Variants in FOXL2 observed in about 807,000 individuals in gnomAD.
FOXL2 encodes forkhead box L2.
In FOXL2, 3 loss-of-function variants were observed where a neutral mutation model predicts 2.5. The ratio of observed to expected loss-of-function variants is 1.20; its 90% CI spans 0.55 to 3.11. FOXL2 has a LOEUF of 3.11. Ranked by LOEUF, FOXL2 falls within the 30% of genes most tolerant of loss-of-function variation. The pLI, the probability that FOXL2 is intolerant of heterozygous loss-of-function variation, is 0.03. For missense variants in FOXL2, 512 were observed against 570.0 expected (o/e 0.90, Z 1.04); for synonymous variants, 315 against 269.4 (o/e 1.17, Z -1.66).
chr3:138,945,235 GCCC>G lies in FOXL2; in HGVS notation c.*354_*356del. The G allele has an allele frequency of 3.9e-6, 1 of 253,838 alleles. No individual in the cohort carries two copies. The highest frequency in any genetic ancestry group is 5.0e-5 in the Admixed American group (1 of 20,066). The allele number at this position is 253,838 out of a possible 1,614,324, so 15.7% of individuals were successfully genotyped here. On this transcript the variant is annotated 3_prime_UTR_variant, in exon 1 of 1. Transcript: ENST00000648323. ...AGGCCAAGAGGTCTGCGCTGCCGAC[GCCC>G]GGTCGCACCTCCGCCCCGGGCCCTT...
rs1936000857 is a variant in FOXL2 at position 138,947,132 on chromosome 3, T to C, written c.-410A>G. 1 of 494,944 alleles carries C rather than the reference T, an allele frequency of 2.0e-6. No homozygotes were observed. The highest frequency in any genetic ancestry group is 2.6e-5 in the South Asian group (1 of 37,902). The allele number at this position is 494,944 out of a possible 1,614,324, so 30.7% of individuals were successfully genotyped here. A position where few individuals can be genotyped will look rare whatever the true frequency, so the allele number is the denominator to read the frequency against. ...CCCTAGTGCGCCAGGAGCCTCGCTC[T>C]GTTCTGATTCGTATGGGCTCCACCG... On this transcript the variant is annotated 5_prime_UTR_variant, in exon 1 of 1. Coordinates refer to ENST00000648323, the MANE Select transcript of FOXL2 (RefSeq NM_023067.4). This position sits in a 1 kb window ranked among gnomAD's most constrained non-coding sequence, Gnocchi z 5.2.
chr3:138,945,743 G>C lies in FOXL2; in HGVS notation c.980C>G (p.Pro327Arg). 7.5e-7 allele frequency: 1 copy of C among 1,334,548 alleles called. No homozygotes were observed. Among genetic ancestry groups the C allele is most frequent in the Non-Finnish European group, 9.8e-7 (1 of 1,024,840 alleles). 82.7% of individuals were successfully genotyped at this position (1,334,548 alleles called of 1,614,324 possible). The change falls in exon 1 of 1, where the codon CCA (proline) becomes CGA (arginine). Residue 327 changes from proline to arginine, a missense_variant. By Grantham distance (103) the Pro-to-Arg change is moderately radical. Transcript: ENST00000648323. ...PPPGQLSPAS[P>R]ATAAPPAPAP... The stretch of plus-strand genomic sequence containing the variant: ...GGGCGCCGGGGGCGCGGCGGTGGCT[G>C]GGCTGGCAGGGCTGAGCTGGCCCGG...
In FOXL2 at chr3:138,944,795, C is replaced by T. The variant is rs1239471091; in HGVS notation, c.*797G>A. 4.3e-6 allele frequency: 1 copy of T among 231,878 alleles called. No homozygotes were observed. The highest frequency in any genetic ancestry group is 8.5e-6 in the Non-Finnish European group (1 of 117,960). 14.4% of individuals were successfully genotyped at this position (231,878 alleles called of 1,614,324 possible). ...AGGCCACAATACTTCCCCGGTTGCC[C>T]GGTGAATTTTTTTTCCTTTTTTTTT... On this transcript the variant is annotated 3_prime_UTR_variant, in exon 1 of 1. Coordinates refer to ENST00000648323, the MANE Select transcript of FOXL2 (RefSeq NM_023067.4).
chr3:138,946,622 G>T lies in FOXL2; in HGVS notation c.101C>A (p.Pro34Gln). The change falls in exon 1 of 1, where the codon CCA becomes CAA. Residue 34 changes from proline to glutamine, a missense_variant. Pro to Gln is a moderately conservative substitution (Grantham distance 76). Coordinates refer to ENST00000648323, the MANE Select transcript of FOXL2 (RefSeq NM_023067.4). The part of the protein sequence containing the change: ...VKEPEGPPPS[P>Q]GKGGGGGGGT... Reference sequence around the variant, plus strand: ...GCCGCCACCCCCACCGCCCTTGCCTGGGCTCGGCGGCGGCCCTTCTGGCTC... The same window carrying T: ...GCCGCCACCCCCACCGCCCTTGCCTTGGCTCGGCGGCGGCCCTTCTGGCTC... 1.3e-6 allele frequency: 2 copies of T among 1,599,010 alleles called. No homozygotes were observed. Among genetic ancestry groups the T allele is most frequent in the Middle Eastern group, 1.7e-4 (1 of 5,742 alleles).
In FOXL2 at chr3:138,947,068, A is replaced by C; in HGVS notation, c.-346T>G. ...CTCCCCCCGCCCCCCGGTTTCCCGA[A>C]GCACGACCCGCGTCTCTGGCGGAGC... On this transcript the variant is annotated 5_prime_UTR_variant, in exon 1 of 1. Coordinates refer to ENST00000648323, the MANE Select transcript of FOXL2 (RefSeq NM_023067.4). The surrounding 1 kb of genome is among the most constrained non-coding windows in gnomAD (Gnocchi z 5.2). The C allele has an allele frequency of 7.7e-6, 2 of 260,312 alleles. No homozygotes were observed. The highest frequency in any genetic ancestry group is 1.9e-4 in the East Asian group (2 of 10,728). 16.1% of individuals were successfully genotyped at this position (260,312 alleles called of 1,614,324 possible).
chr3:138,946,876 G>A lies in FOXL2; in HGVS notation c.-154C>T. 8.7e-7 allele frequency: 1 copy of A among 1,145,096 alleles called. No homozygotes were observed. The highest frequency in any genetic ancestry group is 1.2e-6 in the Non-Finnish European group (1 of 812,984). 70.9% of individuals were successfully genotyped at this position (1,145,096 alleles called of 1,614,324 possible). ...CGCGCTTGCTTGCTGGAGGCCTGTC[G>A]CTGCTCTCCCCTCTCCTTCCCCTTC... On this transcript the variant is annotated 5_prime_UTR_variant, in exon 1 of 1. Coordinates refer to ENST00000648323, the MANE Select transcript of FOXL2 (RefSeq NM_023067.4).
Position 138,945,670 on chromosome 3 carries a change from G to A in FOXL2, c.1053C>T (p.Pro351=), listed in dbSNP as rs183837821. Reference sequence around the variant, plus strand: ...AAGAGCAATGCATCATGGCGAGCTCGGGCTGCCGGGCACAAGCGAACTGCA... The same window carrying A: ...AAGAGCAATGCATCATGGCGAGCTCAGGCTGCCGGGCACAAGCGAACTGCA... The part of the protein sequence containing the change: ...PGLQFACARQ[P]ELAMMHCSYW... Residue 351 remains proline, a synonymous_variant, in exon 1 of 1, where the codon CCC becomes CCT. Coordinates refer to ENST00000648323, the MANE Select transcript of FOXL2 (RefSeq NM_023067.4). The A allele has an allele frequency of 1.3e-4, 213 of 1,588,450 alleles. No individual in the cohort carries two copies. The highest frequency in any genetic ancestry group is 1.7e-4 in the Non-Finnish European group (199 of 1,163,978).
chr3:138,946,812 C>A lies in FOXL2; in HGVS notation c.-90G>T. ...GAGTTGGGGCGCACGAGTCCGCTTA[C>A]GGCCAAGTCTCAAACTTCTGGAGAC... On this transcript the variant is annotated 5_prime_UTR_variant, in exon 1 of 1. Transcript: ENST00000648323. The A allele has an allele frequency of 6.6e-7, 1 of 1,508,532 alleles. No individual in the cohort carries two copies. The allele number at this position is 1,508,532 out of a possible 1,614,324, so 93.4% of individuals were successfully genotyped here.
Position 138,945,954 on chromosome 3 carries a change from GC to G in FOXL2, c.768del (p.Pro257ArgfsTer14). 1 of 1,411,586 alleles carries G rather than the reference GC, an allele frequency of 7.1e-7. No individual in the cohort carries two copies. The highest frequency in any genetic ancestry group is 3.0e-5 in the Admixed American group (1 of 32,912). The allele number at this position is 1,411,586 out of a possible 1,614,324, so 87.4% of individuals were successfully genotyped here. On this transcript the variant is annotated frameshift_variant, in exon 1 of 1. Transcript: ENST00000648323. LOFTEE classifies it low-confidence loss of function (END_TRUNC). ...KGLAGPAASY[G>X]PYTRVQSMAL... is the part of the protein sequence containing the mutation. Reference sequence around the variant, plus strand: ...GCCATGCTCTGCACGCGTGTGTACGGCCCGTACGAGGCGGCCGGGCCCGCCA... The same window carrying G: ...GCCATGCTCTGCACGCGTGTGTACGGCCGTACGAGGCGGCCGGGCCCGCCA...
At position 138,945,372 on chromosome 3, in the gene FOXL2, T is replaced by C; in HGVS notation, c.*220A>G. On this transcript the variant is annotated 3_prime_UTR_variant, in exon 1 of 1. Transcript: ENST00000648323. ...CCAGGGGAGTGCAAGGTCACAGAGG[T>C]CAGGGAGGTGAGCACAGGAGGACAT... The C allele has an allele frequency of 1.5e-6, 1 of 668,732 alleles. No individual in the cohort carries two copies. The highest frequency in any genetic ancestry group is 2.3e-6 in the Non-Finnish European group (1 of 429,652). The allele number at this position is 668,732 out of a possible 1,614,324, so 41.4% of individuals were successfully genotyped here.
rs950191986 is a variant in FOXL2 at position 138,944,873 on chromosome 3, C to A, written c.*719G>T. On this transcript the variant is annotated 3_prime_UTR_variant, in exon 1 of 1. Coordinates refer to ENST00000648323, the MANE Select transcript of FOXL2 (RefSeq NM_023067.4). ...CCGATCTTTCAAACAAAACATTAGC[C>A]AGCCGCCGGGGCCCGGAGGTGCCCG... 3 of 232,762 alleles carry A rather than the reference C, an allele frequency of 1.3e-5. No individual in the cohort carries two copies. Among genetic ancestry groups the A allele is most frequent in the Admixed American group, 5.6e-5 (1 of 17,782 alleles). The allele number at this position is 232,762 out of a possible 1,614,324, so 14.4% of individuals were successfully genotyped here. A position where few individuals can be genotyped will look rare whatever the true frequency, so the allele number is the denominator to read the frequency against.
At position 138,946,015 on chromosome 3, in the gene FOXL2, G is replaced by C. The variant is rs1490469935; in HGVS notation, c.708C>G (p.Pro236=). The C allele has an allele frequency of 1.4e-6, 2 of 1,390,070 alleles. No individual in the cohort carries two copies. Among genetic ancestry groups the C allele is most frequent in the Non-Finnish European group, 9.2e-7 (1 of 1,084,806 alleles). 86.1% of individuals were successfully genotyped at this position (1,390,070 alleles called of 1,614,324 possible). Residue 236 remains proline, a synonymous_variant, in exon 1 of 1, where the codon CCC becomes CCG. Transcript: ENST00000648323. ...AAAAAAAAAG[P]GSPGAAAVVK... ...CCACAGCGGCCGCGCCAGGGCTACCGGGGCCCGCGGCTGCAGCCGCAGCTG... is the reference window on the plus strand; with the variant it reads ...CCACAGCGGCCGCGCCAGGGCTACCCGGGCCCGCGGCTGCAGCCGCAGCTG...
In FOXL2 at chr3:138,945,359, A is replaced by G; in HGVS notation, c.*233T>C. ...AGGCAGCTTCAGGCCAGGGGAGTGC[A>G]AGGTCACAGAGGTCAGGGAGGTGAG... is the stretch of plus-strand genomic sequence containing the variant. On this transcript the variant is annotated 3_prime_UTR_variant, in exon 1 of 1. Coordinates refer to ENST00000648323, the MANE Select transcript of FOXL2 (RefSeq NM_023067.4). 1.9e-6 allele frequency: 1 copy of G among 540,114 alleles called. No homozygotes were observed. The highest frequency in any genetic ancestry group is 3.4e-5 in the East Asian group (1 of 29,010). 33.5% of individuals were successfully genotyped at this position (540,114 alleles called of 1,614,324 possible).
chr3:138,946,932 C>A lies in FOXL2; in HGVS notation c.-210G>T. On this transcript the variant is annotated 5_prime_UTR_variant, in exon 1 of 1. It removes the in-frame stop codon of an upstream open reading frame in the 5' UTR. Coordinates refer to ENST00000648323, the MANE Select transcript of FOXL2 (RefSeq NM_023067.4). ...GGGAGCGGCCGGCGGGAGTGGAGCT[C>A]AGCCTCTGGCCATGGGGAGTCCGCC... The A allele has an allele frequency of 1.4e-6, 1 of 723,056 alleles. No homozygotes were observed. The highest frequency in any genetic ancestry group is 2.2e-6 in the Non-Finnish European group (1 of 446,094). The allele number at this position is 723,056 out of a possible 1,614,324, so 44.8% of individuals were successfully genotyped here.
rs2107743794 is a variant in FOXL2 at position 138,946,066 on chromosome 3, C to A, written c.657G>T (p.Gln219His). 7.1e-7 allele frequency: 1 copy of A among 1,408,236 alleles called. No homozygotes were observed. The highest frequency in any genetic ancestry group is 9.2e-7 in the Non-Finnish European group (1 of 1,092,438). The allele number at this position is 1,408,236 out of a possible 1,614,324, so 87.2% of individuals were successfully genotyped here. ...CTGCAGCCGCTGCGGCTGCCGCCAT[C>A]TGGCAGGAGGCATAGGGCATGGGTG... ...PPSPMPYASC[Q>H]MAAAAAAAAA... Residue 219 changes from glutamine to histidine, a missense_variant, in exon 1 of 1, where the codon CAG becomes CAT. This residue lies in a region of FOXL2 where 287 missense variants were observed against 277.4 expected (regional missense o/e 1.03). Transcript: ENST00000648323.
rs981604888 is a variant in FOXL2, at chr3:138,947,100, C to T, written c.-378G>A. 8.5e-6 allele frequency: 4 copies of T among 472,498 alleles called. No individual in the cohort carries two copies. Among genetic ancestry groups the T allele is most frequent in the South Asian group, 6.6e-5 (2 of 30,250 alleles). The allele number at this position is 472,498 out of a possible 1,614,324, so 29.3% of individuals were successfully genotyped here. On this transcript the variant is annotated 5_prime_UTR_variant, in exon 1 of 1. Transcript: ENST00000648323. The surrounding 1 kb of genome is among the most constrained non-coding windows in gnomAD (Gnocchi z 5.2). Reference sequence around the variant, plus strand: ...CCCGCGTCTCTGGCGGAGCTGCCTCCTGGAGTCCCTAGTGCGCCAGGAGCC... The same window carrying T: ...CCCGCGTCTCTGGCGGAGCTGCCTCTTGGAGTCCCTAGTGCGCCAGGAGCC...
chr3:138,945,990 C>A lies in FOXL2; in HGVS notation c.733G>T (p.Val245Phe). Residue 245 changes from valine to phenylalanine, a missense_variant, in exon 1 of 1, where the codon GTC becomes TTC. Physicochemically the swap from Val to Phe is conservative, Grantham distance 50 (BLOSUM62 -1). Transcript: ENST00000648323. ...GCGGCCGGGCCCGCCAGCCCCTTGACCACAGCGGCCGCGCCAGGGCTACCG... is the reference window on the plus strand; with the variant it reads ...GCGGCCGGGCCCGCCAGCCCCTTGAACACAGCGGCCGCGCCAGGGCTACCG... Reference protein sequence around the residue: ...GPGSPGAAAVVKGLAGPAASY... With the variant: ...GPGSPGAAAVFKGLAGPAASY... 7.1e-7 allele frequency: 1 copy of A among 1,406,580 alleles called. No homozygotes were observed. Among genetic ancestry groups the A allele is most frequent in the Non-Finnish European group, 9.1e-7 (1 of 1,093,526 alleles). The allele number at this position is 1,406,580 out of a possible 1,614,324, so 87.1% of individuals were successfully genotyped here. A position where few individuals can be genotyped will look rare whatever the true frequency, so the allele number is the denominator to read the frequency against.
rs1388594124 is a variant in FOXL2 at position 138,946,801 on chromosome 3, G to A, written c.-79C>T. On this transcript the variant is annotated 5_prime_UTR_variant, in exon 1 of 1. Transcript: ENST00000648323. ...GGCGCGGCAAAGAGTTGGGGCGCAC[G>A]AGTCCGCTTACGGCCAAGTCTCAAA... 1.3e-6 allele frequency: 2 copies of A among 1,519,938 alleles called. No homozygotes were observed. The highest frequency in any genetic ancestry group is 1.2e-5 in the South Asian group (1 of 81,482). 94.2% of individuals were successfully genotyped at this position (1,519,938 alleles called of 1,614,324 possible).
Position 138,946,235 on chromosome 3 carries a change from C to A in FOXL2, c.488G>T (p.Gly163Val). Residue 163 changes from glycine (G) to valine (V), a missense_variant, in exon 1 of 1, where the codon GGC (glycine) becomes GTC (valine). Around this residue, in one of 5 missense-constraint regions of FOXL2, gnomAD observed 287 missense variants for 277.4 expected, o/e 1.03. Transcript: ENST00000648323. ...FRPPPAHFQP[G>V]KGLFGAGGAA... ...GCCTCCGGCCCCGAAGAGCCCCTTGCCGGGCTGGAAGTGCGCGGGCGGCGG... is the reference window on the plus strand; with the variant it reads ...GCCTCCGGCCCCGAAGAGCCCCTTGACGGGCTGGAAGTGCGCGGGCGGCGG... The A allele has an allele frequency of 6.4e-7, 1 of 1,560,178 alleles. No individual in the cohort carries two copies. The highest frequency in any genetic ancestry group is 8.7e-7 in the Non-Finnish European group (1 of 1,154,902).
Sources: gnomAD v4.1 joint callset for allele counts on GRCh38, gnomAD v4.1.1 for gene constraint, gnomAD v4.1.1 regional missense constraint, Gnocchi (gnomAD v3.1) non-coding constraint, MANE v1.5 for transcripts, NCBI Gene and HGNC (gene_info 2026-07-23, HGNC 2026-07-21) for gene names.